POGLUT2: variants seen among roughly 807,000 people sequenced by gnomAD.
POGLUT2 encodes ER protein 58.
POGLUT2 carries 47 observed loss-of-function variants against 57.6 expected under a neutral mutation model. The observed-to-expected ratio is 0.82, with a 90% CI of 0.65 to 1.04. The LOEUF is 1.04. Ranked by LOEUF, POGLUT2 falls within the 50% of genes least tolerant of loss-of-function variation. POGLUT2 has a pLI of 0.00. For synonymous variants in POGLUT2, 200 were observed against 218.8 expected, an observed-to-expected ratio of 0.91 and a Z score of 0.76; for missense variants, 565 against 614.8, an observed-to-expected ratio of 0.92 and a Z score of 0.86.
chr13:102,785,008 C>G (rs1877880847), intron 9 of POGLUT2, among the ~76,000 whole-genome samples: 1 of 152,162 alleles, frequency 6.6e-6, no homozygotes, highest in African/African-American at 2.4e-5. Context: ...TTTGGCAATT[C>G]TTGTTTTATC....
Position 102,793,362 on chromosome 13 carries a change from T to TATGG in POGLUT2, c.647_650dup (p.Leu218HisfsTer7), listed in dbSNP as rs771681720. 4.1e-5 allele frequency: 64 copies of TATGG among 1,575,150 alleles called. No homozygotes were observed. In the Admixed American group the frequency reaches 5.9e-4, roughly 14 times the overall value. ...TTACCTTTCTAGTCAAAGAAAGTAG[T>TATGG]ATGGCATCCATGAAAATTCTAAAAC... On this transcript the variant is annotated frameshift_variant, in exon 4 of 10. Transcript: ENST00000376004. LOFTEE classifies it high-confidence loss of function.
chr13:102,785,302 C>T (rs1352609649), intron 9 of POGLUT2, among the ~76,000 whole-genome samples: 1 of 152,096 alleles, frequency 6.6e-6, no homozygotes, highest in African/African-American at 2.4e-5. Context: ...CTGGGGCCAG[C>T]CTCACCTTAA....
At chr13:102,797,741 T>TA (rs1474615811) in intron 1 of POGLUT2, among the ~76,000 whole-genome samples, 3,450 of 143,682 alleles carry the variant, frequency 0.024, 114 homozygotes, top group African/African-American at 0.071. Context: ...AACCCTGTCT[T>TA]AAAAAAAAAA....
At chr13:102,791,557 A>C in intron 4 of POGLUT2, 127 bp from the exon 5 acceptor site, 1 of 912,246 alleles carries the variant, frequency 1.1e-6, no homozygotes, top group Non-Finnish European at 1.6e-6. Flanking sequence ...AATAATAATT[A>C]CCTTGGTTTG....
rs746455011 is a variant in POGLUT2 at position 102,793,680 on chromosome 13, G to A, written c.515C>T (p.Pro172Leu). The A allele has an allele frequency of 6.2e-7, 1 of 1,614,100 alleles. No homozygotes were observed. Among genetic ancestry groups the A allele is most frequent in the African/African-American group, 1.3e-5 (1 of 75,020 alleles). ...RDLAHFPAVD[P>L]EKIAVEIPKR... ...TGGGATTTCTACTGCAATCTTTTCT[G>A]GATCCACAGCAGGGAAATGTGCCAG... The change falls in exon 3 of 10, where the codon CCA becomes CTA. Residue 172 changes from proline to leucine, a missense_variant. By Grantham distance (98) the Pro-to-Leu change is moderately conservative. Coordinates refer to ENST00000376004, the MANE Select transcript of POGLUT2 (RefSeq NM_024089.3).
At chr13:102,788,710 T>C (rs1181821485) in intron 7 of POGLUT2, among the ~76,000 whole-genome samples, 1 of 152,220 alleles carries the variant, frequency 6.6e-6, no homozygotes, top group Non-Finnish European at 1.5e-5. Context: ...GGTCTTGAAC[T>C]CCTGACCTCA....
At chr13:102,789,651 G>C (rs189258990) in intron 6 of POGLUT2, among the ~76,000 whole-genome samples, 1 of 152,328 alleles carries the variant, frequency 6.6e-6, no homozygotes, top group East Asian at 1.9e-4. Flanking sequence ...AGGCTGGAGT[G>C]TAGTGGCGTG....
intron 1 of POGLUT2, among the ~76,000 whole-genome samples, chr13:102,797,767 A>G (rs1292403699): frequency 6.6e-6 from 1 of 152,022 alleles, no homozygotes; most frequent in Non-Finnish European, 1.5e-5. Context: ...ACGCTCAGCC[A>G]TGGGCAAAAG....
intron 1 of POGLUT2, among the ~76,000 whole-genome samples, chr13:102,798,193 C>T (rs1285069455): frequency 6.6e-6 from 1 of 152,098 alleles, no homozygotes; most frequent in African/African-American, 2.4e-5. Flanking sequence ...ATAGCTTATG[C>T]GAAAAGTAGT....
At chr13:102,790,170 T>C (rs374082968) in intron 6 of POGLUT2, among the ~76,000 whole-genome samples, 2 of 152,216 alleles carry the variant, frequency 1.3e-5, no homozygotes, top group African/African-American at 4.8e-5. Flanking sequence ...AACTTTAACA[T>C]TGAACAAGGT....
At chr13:102,798,387 TA>T in intron 1 of POGLUT2, 101 bp downstream of exon 1, 1 of 1,093,682 alleles carries the variant, frequency 9.1e-7, no homozygotes, top group Non-Finnish European at 1.3e-6. Flanking sequence ...TCCTGGAATA[TA>T]AACTGCTGTG....
chr13:102,792,132 A>ATG, intron 4 of POGLUT2: 1 of 1,246,124 alleles, frequency 8.0e-7, no homozygotes, highest in Non-Finnish European at 1.0e-6. Flanking sequence ...ATGCTATATA[A>ATG]CTACCTACAT....
intron 4 of POGLUT2, among the ~76,000 whole-genome samples, chr13:102,792,983 C>G (rs1000926456): frequency 3.9e-5 from 6 of 152,268 alleles, no homozygotes; most frequent in African/African-American, 1.2e-4. Flanking sequence ...ACCATGTTGC[C>G]CAGCCTGGTC....
chr13:102,796,022 C>T (rs1029142841), intron 2 of POGLUT2, among the ~76,000 whole-genome samples: 1 of 151,826 alleles, frequency 6.6e-6, no homozygotes, highest in Admixed American at 6.6e-5. Flanking sequence ...AATGGCCGAG[C>T]ATGGTGGCTC....
rs765874083 is a variant in POGLUT2, at chr13:102,796,912, C to A, written c.280G>T (p.Asp94Tyr). The A allele has an allele frequency of 3.1e-6, 5 of 1,612,310 alleles. No homozygotes were observed. In the East Asian group the frequency reaches 8.9e-5, roughly 29 times the overall value. ...RVGVQVLDRKDGSFIVRYRMY... is the reference protein window; with the variant it reads ...RVGVQVLDRKYGSFIVRYRMY... Reference sequence around the variant, plus strand: ...CTGTATCTTACTATGAAGGACCCATCTTTTCGGTCTAAAACCTGGACTCCA... The same window carrying A: ...CTGTATCTTACTATGAAGGACCCATATTTTCGGTCTAAAACCTGGACTCCA... Residue 94 changes from aspartate (D) to tyrosine (Y), a missense_variant, in exon 2 of 10, where the codon GAT (aspartate) becomes TAT (tyrosine). Coordinates refer to ENST00000376004, the MANE Select transcript of POGLUT2 (RefSeq NM_024089.3).
Position 102,789,197 on chromosome 13 carries a change from C to T in POGLUT2, c.1108G>A (p.Gly370Ser). The T allele has an allele frequency of 1.2e-6, 2 of 1,614,046 alleles. No individual in the cohort carries two copies. Among genetic ancestry groups the T allele is most frequent in the Non-Finnish European group, 8.5e-7 (1 of 1,179,916 alleles). ...GGCAGGCGATAAGCTGCTACAGTGC[C>T]ATCGATATTTATTTGATACTTATGC... Reference protein sequence around the residue: ...FKHKYQINIDGTVAAYRLPYL... With the variant: ...FKHKYQINIDSTVAAYRLPYL... Residue 370 changes from glycine (G) to serine (S), a missense_variant, in exon 7 of 10, where the codon GGC (glycine) becomes AGC (serine). Physicochemically the swap from Gly to Ser is moderately conservative, Grantham distance 56 (BLOSUM62 0). Transcript: ENST00000376004.
intron 1 of POGLUT2, 75 bp downstream of exon 1, chr13:102,798,414 G>T: frequency 2.2e-6 from 3 of 1,391,132 alleles, no homozygotes; most frequent in South Asian, 1.4e-5. Context: ...ACGAGTTCTT[G>T]GAAAGAAAAA....
At position 102,786,239 on chromosome 13, in the gene POGLUT2, C is replaced by A; in HGVS notation, c.1484G>T (p.Arg495Met). ...EDDLFPCTCH[R>M]KKTKDEL The stretch of plus-strand genomic sequence containing the variant: ...AAGCTCAGTTCTGGTTACCTTTTTC[C>A]TATGGCAAGTACAAGGGAAGAGGTC... Residue 495 changes from arginine (R) to methionine (M), a missense_variant, in exon 9 of 10, where the codon AGG becomes ATG. Arg to Met is a moderately conservative substitution (Grantham distance 91). Transcript: ENST00000376004. The A allele has an allele frequency of 6.2e-7, 1 of 1,607,514 alleles. No homozygotes were observed. Among genetic ancestry groups the A allele is most frequent in the Non-Finnish European group, 8.5e-7 (1 of 1,174,260 alleles).
At chr13:102,786,558 C>G (rs1038057496) in intron 8 of POGLUT2, among the ~76,000 whole-genome samples, 1 of 149,824 alleles carries the variant, frequency 6.7e-6, no homozygotes, top group African/African-American at 2.4e-5. Context: ...ACAGACACCT[C>G]TTTATGCTAT....
Sources: allele counts gnomAD v4.1 joint callset (sites outside exome capture counted in the v4.1 genomes callset), GRCh38; gene constraint gnomAD v4.1.1; transcripts MANE v1.5; gene names NCBI Gene and HGNC (gene_info 2026-07-23, HGNC 2026-07-21).